The following PDE4D variants were observed in gnomAD, a reference collection of about 807,000 sequenced individuals.
PDE4D encodes 3',5'-cyclic-AMP phosphodiesterase 4D.
Under a neutral mutation model 87.4 loss-of-function variants are expected in PDE4D, and 24 were observed. The observed-to-expected ratio is 0.27, with a 90% confidence interval of 0.20 to 0.39. The LOEUF is 0.39. Among genes scored for constraint, PDE4D ranks in the 10% least tolerant of loss-of-function variants. The pLI is 1.00. For synonymous variants in PDE4D, 384 were observed against 383.2 expected (o/e 1.00, Z -0.02); for missense variants, 714 against 1,041.0 (o/e 0.69, Z 4.32).
At chr5:59,349,493 T>G (rs888365450) in intron 1 of PDE4D, among the ~76,000 whole-genome samples, 5 of 152,264 alleles carry the variant, frequency 3.3e-5, no homozygotes, top group Admixed American at 3.3e-4. Flanking sequence ...GTACTGTCTC[T>G]TAAAATCACT....
intron 1 of PDE4D, among the ~76,000 whole-genome samples, chr5:59,738,330 A>G (rs1161256767): frequency 6.6e-6 from 1 of 152,184 alleles, no homozygotes; most frequent in Non-Finnish European, 1.5e-5. Flanking sequence ...CAATATAAGA[A>G]TGACAAATTT....
chr5:60,447,320 T>C (rs1332568450), intron 1 of PDE4D, among the ~76,000 whole-genome samples: 1 of 152,190 alleles, frequency 6.6e-6, no homozygotes, highest in Non-Finnish European at 1.5e-5. Flanking sequence ...TTACATTTTA[T>C]TCTGAGATAT....
At chr5:59,994,904 A>G (rs1019729925) in intron 2 of PDE4D, among the ~76,000 whole-genome samples, 4 of 152,108 alleles carry the variant, frequency 2.6e-5, no homozygotes, top group Admixed American at 6.5e-5. Context: ...AGCACCTACT[A>G]CCTTTGATGC....
intron 5 of PDE4D, among the ~76,000 whole-genome samples, chr5:59,119,265 T>C (rs1453413100): frequency 1.3e-5 from 2 of 152,164 alleles, no homozygotes; most frequent in Non-Finnish European, 2.9e-5. Context: ...TTTCTAATGA[T>C]GGAGAAGCAA....
chr5:59,563,931 AGGTT>A lies in PDE4D; in HGVS notation c.455+329233_455+329236del, dbSNP rs375175902. ...TGTTGAAAGAGATTCATTGCAAAAC[AGGTT>A]GGAATAAGCAAGACAAACTTGAGAA... On this transcript the variant is annotated intron_variant, in intron 1 of 14. Transcript: ENST00000340635. Among the ~76,000 whole-genome samples the A allele has an allele frequency of 2.8e-4, 43 of 152,350 alleles. No homozygotes were observed. The East Asian group carries it at 6.6e-3, about 23-fold the overall frequency.
intron 5 of PDE4D, among the ~76,000 whole-genome samples, chr5:59,049,645 A>G (rs1237628606): frequency 6.6e-6 from 1 of 152,234 alleles, no homozygotes. Flanking sequence ...ACAAAGGTGC[A>G]TCTGATGCAA....
chr5:60,257,204 A>C (rs1749148354), intron 1 of PDE4D, among the ~76,000 whole-genome samples: 1 of 135,682 alleles, frequency 7.4e-6, no homozygotes, highest in Non-Finnish European at 1.5e-5. Context: ...GAAAGAAAGA[A>C]TGAATGAAAG....
chr5:59,611,490 A>T (rs992605301), intron 1 of PDE4D, among the ~76,000 whole-genome samples: 2 of 151,944 alleles, frequency 1.3e-5, no homozygotes, highest in Non-Finnish European at 1.5e-5. Flanking sequence ...CCCTTGTAAC[A>T]CTCATCACAA....
chr5:59,169,036 A>C (rs1377474644), intron 5 of PDE4D, among the ~76,000 whole-genome samples: 1 of 152,158 alleles, frequency 6.6e-6, no homozygotes, highest in African/African-American at 2.4e-5. Flanking sequence ...TATTAATAAT[A>C]TATCCAACTG....
At chr5:60,501,393 T>C (rs374389215) in intron 1 of PDE4D, among the ~76,000 whole-genome samples, 19,566 of 151,672 alleles carry the variant, frequency 0.13, 1,326 homozygotes, top group Middle Eastern at 0.18. Flanking sequence ...CTTAATCCAG[T>C]CTATCATTGT....
At chr5:59,217,624 C>T (rs1163619441) in intron 1 of PDE4D, among the ~76,000 whole-genome samples, 1 of 152,158 alleles carries the variant, frequency 6.6e-6, no homozygotes, top group Admixed American at 6.5e-5. Flanking sequence ...TCAAGTCGAA[C>T]AGACTCACTT....
intron 5 of PDE4D, among the ~76,000 whole-genome samples, chr5:59,172,295 TAAGA>T (rs1224106004): frequency 2.3e-5 from 3 of 131,126 alleles, no homozygotes; most frequent in African/African-American, 5.8e-5. Context: ...TATATTTATA[TAAGA>T]AATATATATA....
chr5:60,417,130 A>T (rs1247990663), intron 1 of PDE4D, among the ~76,000 whole-genome samples: 1 of 152,232 alleles, frequency 6.6e-6, no homozygotes, highest in African/African-American at 2.4e-5. Context: ...CAGATTTTAA[A>T]AACTGATTGA....
chr5:59,036,082 G>A (rs577262216), intron 6 of PDE4D, among the ~76,000 whole-genome samples: 36 of 152,306 alleles, frequency 2.4e-4, no homozygotes, highest in African/African-American at 8.7e-4. Flanking sequence ...GCTGCTAATT[G>A]GCTAAGATGC....
chr5:59,316,173 A>G (rs1425432455), intron 1 of PDE4D, among the ~76,000 whole-genome samples: 8 of 152,306 alleles, frequency 5.3e-5, no homozygotes, highest in Middle Eastern at 3.4e-3. Flanking sequence ...CAAGAGGTAC[A>G]TGAAGATAAC....
chr5:59,533,503 G>T (rs1441988957), intron 1 of PDE4D, among the ~76,000 whole-genome samples: 1 of 152,210 alleles, frequency 6.6e-6, no homozygotes, highest in East Asian at 1.9e-4. Flanking sequence ...TATAGATGTG[G>T]TTTGTTTCTC....
intron 1 of PDE4D, among the ~76,000 whole-genome samples, chr5:59,666,997 T>C (rs996094571): frequency 1.3e-5 from 2 of 152,188 alleles, no homozygotes; most frequent in Non-Finnish European, 2.9e-5. Flanking sequence ...CCTAGGTGCA[T>C]GCAGATGATA....
chr5:59,321,839 A>C (rs1449583307), intron 1 of PDE4D, among the ~76,000 whole-genome samples: 2 of 152,104 alleles, frequency 1.3e-5, no homozygotes, highest in Non-Finnish European at 2.9e-5. Context: ...TTAAAAGATA[A>C]TCTAAAAATA....
intron 1 of PDE4D, among the ~76,000 whole-genome samples, chr5:60,376,715 A>C (rs1049442434): frequency 6.6e-6 from 1 of 152,086 alleles, no homozygotes; most frequent in African/African-American, 2.4e-5. Context: ...CACTGCACAC[A>C]ATGACATAAC....
Sources: allele counts gnomAD v4.1 joint callset (sites outside exome capture counted in the v4.1 genomes callset), GRCh38; gene constraint gnomAD v4.1.1; transcripts MANE v1.5; gene names NCBI Gene and HGNC (gene_info 2026-07-23, HGNC 2026-07-21).